Variants in RAB3B observed in about 807,000 individuals in gnomAD.
RAB3B encodes ras-related protein Rab-3B.
In RAB3B, 11 loss-of-function variants were observed where a neutral mutation model predicts 20.5. The ratio of observed to expected loss-of-function variants is 0.54; its 90% CI spans 0.34 to 0.89. The LOEUF (loss-of-function observed/expected upper bound fraction) is 0.89. RAB3B is among the 40% of genes least tolerant of loss of function. RAB3B has a pLI of 0.02. For synonymous variants in RAB3B, 99 were observed against 106.3 expected (o/e 0.93, Z 0.42); for missense variants, 225 against 280.9 (o/e 0.80, Z 1.42).
intron 1 of RAB3B, among the ~76,000 whole-genome samples, 199 bp from the exon 2 acceptor site, chr1:51,977,316 C>T (rs1363256652): frequency 6.6e-6 from 1 of 152,196 alleles, no homozygotes; most frequent in Non-Finnish European, 1.5e-5. Flanking sequence ...CCCAGCTCCT[C>T]CCATTCATTC....
In RAB3B at chr1:51,989,101, G is replaced by GTGCACA. The variant is rs749312487; in HGVS notation, c.-1+1450_-1+1451insTGTGCA. Among the ~76,000 whole-genome samples, 53 of 24,048 alleles carry GTGCACA rather than the reference G, an allele frequency of 2.2e-3. 1 individual carries two copies. The highest frequency in any genetic ancestry group is 2.8e-3 in the Non-Finnish European group (23 of 8,300). 15.8% of individuals were successfully genotyped at this position (24,048 alleles called of 152,430 possible). A position where few individuals can be genotyped will look rare whatever the true frequency, so the allele number is the denominator to read the frequency against. On this transcript the variant is annotated intron_variant, in intron 1 of 4. Coordinates refer to ENST00000371655, the MANE Select transcript of RAB3B (RefSeq NM_002867.4). ...AACAGGTGGACACCCACCTGTGCGC[G>GTGCACA]CGCACACACACACACACACACACAC...
chr1:51,928,210 G>A (rs564249899), intron 4 of RAB3B, among the ~76,000 whole-genome samples: 19 of 152,190 alleles, frequency 1.2e-4, no homozygotes, highest in African/African-American at 4.1e-4. Context: ...CGGTTCAGGC[G>A]ATTCTCCTGC....
At chr1:51,978,074 C>T (rs1294595134) in intron 1 of RAB3B, among the ~76,000 whole-genome samples, 1 of 152,184 alleles carries the variant, frequency 6.6e-6, no homozygotes, top group African/African-American at 2.4e-5. Flanking sequence ...AGACTCCTAC[C>T]CATCCTTGGA....
At chr1:51,942,879 T>G (rs2124264542) in intron 2 of RAB3B, among the ~76,000 whole-genome samples, 1 of 152,284 alleles carries the variant, frequency 6.6e-6, no homozygotes, top group East Asian at 1.9e-4. Flanking sequence ...TCATTATTAT[T>G]ATATCTGTCA....
intron 2 of RAB3B, among the ~76,000 whole-genome samples, chr1:51,946,866 T>C (rs1041656256): frequency 6.6e-6 from 1 of 152,194 alleles, no homozygotes; most frequent in African/African-American, 2.4e-5. Context: ...TGAGGTAAAG[T>C]TTTAAATAAC....
At chr1:51,920,362 A>G (rs1684156094) in intron 4 of RAB3B, among the ~76,000 whole-genome samples, 3 of 152,184 alleles carry the variant, frequency 2.0e-5, no homozygotes, top group African/African-American at 7.2e-5. Flanking sequence ...GGGCTGAGTC[A>G]TTTATTCTCT....
chr1:51,967,078 C>T (rs1039207773), intron 2 of RAB3B, among the ~76,000 whole-genome samples: 3 of 152,044 alleles, frequency 2.0e-5, no homozygotes, highest in Admixed American at 6.5e-5. Context: ...TTTGGGAGGC[C>T]GAGGCAGGAG....
chr1:51,940,017 G>A (rs866025937), intron 2 of RAB3B, among the ~76,000 whole-genome samples: 13 of 152,172 alleles, frequency 8.5e-5, no homozygotes, highest in Admixed American at 3.3e-4. Flanking sequence ...ATTTCAGTAT[G>A]CCACTATTTT....
chr1:51,931,074 C>T (rs1330801529), intron 4 of RAB3B, among the ~76,000 whole-genome samples: 1 of 151,858 alleles, frequency 6.6e-6, no homozygotes, highest in Non-Finnish European at 1.5e-5. Flanking sequence ...TTTTCTAATA[C>T]ATATCCAAAT....
chr1:51,988,134 G>A (rs184948879), intron 1 of RAB3B, among the ~76,000 whole-genome samples: 1 of 152,090 alleles, frequency 6.6e-6, no homozygotes, highest in Non-Finnish European at 1.5e-5. Context: ...CTGTTCAAAG[G>A]TCAACTGTAT....
At chr1:51,934,531 T>A (rs919046068) in intron 3 of RAB3B, among the ~76,000 whole-genome samples, 11 of 152,024 alleles carry the variant, frequency 7.2e-5, no homozygotes, top group Non-Finnish European at 1.6e-4. Flanking sequence ...CAGCACTTTG[T>A]GAGGCCGAGG....
intron 2 of RAB3B, among the ~76,000 whole-genome samples, chr1:51,967,521 CTTTTTTTTT>C (rs71041868): frequency 2.7e-5 from 1 of 36,496 alleles, no homozygotes; most frequent in Non-Finnish European, 5.7e-5. Flanking sequence ...TTTTCTTTTT[CTTTTTTTTT>C]TTTTTTTTTG....
At chr1:51,937,996 C>CTTTT (rs77664152) in intron 2 of RAB3B, among the ~76,000 whole-genome samples, 2 of 88,736 alleles carry the variant, frequency 2.3e-5, no homozygotes, top group African/African-American at 4.2e-5. Context: ...ATTTTTGTTT[C>CTTTT]TTTTTTTTTT....
At chr1:51,970,134 T>A (rs1246479936) in intron 2 of RAB3B, among the ~76,000 whole-genome samples, 1 of 151,372 alleles carries the variant, frequency 6.6e-6, no homozygotes, top group African/African-American at 2.4e-5. Flanking sequence ...AAAACTAGAA[T>A]CCAGGACCCA....
At chr1:51,987,287 T>C (rs1044881904) in intron 1 of RAB3B, among the ~76,000 whole-genome samples, 2 of 152,156 alleles carry the variant, frequency 1.3e-5, no homozygotes, top group Non-Finnish European at 2.9e-5. Flanking sequence ...GCAAAGAACA[T>C]GAGACTGAGT....
chr1:51,941,577 A>G (rs1684495140), intron 2 of RAB3B, among the ~76,000 whole-genome samples: 1 of 152,224 alleles, frequency 6.6e-6, no homozygotes, highest in East Asian at 1.9e-4. Flanking sequence ...AGATGTGAAG[A>G]GAAGAAAAAC....
At chr1:51,982,662 A>G (rs886720354) in intron 1 of RAB3B, among the ~76,000 whole-genome samples, 4 of 152,104 alleles carry the variant, frequency 2.6e-5, no homozygotes, top group Non-Finnish European at 5.9e-5. Flanking sequence ...CTGAGGCACA[A>G]GAATTGCTTG....
chr1:51,937,012 C>G (rs1382565100), intron 3 of RAB3B, among the ~76,000 whole-genome samples: 2 of 152,130 alleles, frequency 1.3e-5, no homozygotes, highest in African/African-American at 4.8e-5. Flanking sequence ...CGGGGTTTCA[C>G]CATGTTGGCT....
intron 2 of RAB3B, among the ~76,000 whole-genome samples, chr1:51,938,643 C>T (rs575707334): frequency 3.2e-4 from 48 of 150,492 alleles, no homozygotes; most frequent in South Asian, 1.0e-3. Flanking sequence ...GAATAAGAGA[C>T]AAGAATTACT....
Sources: allele counts gnomAD v4.1 joint callset (sites outside exome capture counted in the v4.1 genomes callset), GRCh38; gene constraint gnomAD v4.1.1; transcripts MANE v1.5; gene names NCBI Gene and HGNC (gene_info 2026-07-23, HGNC 2026-07-21).